The following PDE4A variants were observed in gnomAD, a reference collection of about 807,000 sequenced individuals.
PDE4A encodes the protein phosphodiesterase 4A.
PDE4A carries 21 observed loss-of-function variants against 73.9 expected under a neutral mutation model. The observed-to-expected ratio is 0.28, with a 90% CI of 0.20 to 0.41. The LOEUF (loss-of-function observed/expected upper bound fraction) is 0.41. Among genes scored for constraint, PDE4A ranks in the 10% least tolerant of loss-of-function variants. PDE4A has a pLI of 1.00. For synonymous variants in PDE4A, 463 were observed against 505.4 expected, an observed-to-expected ratio of 0.92 and a Z score of 1.13; for missense variants, 958 against 1,211.4, an observed-to-expected ratio of 0.79 and a Z score of 3.10.
intron 14 of PDE4A, among the ~76,000 whole-genome samples, chr19:10,465,286 T>G (rs1314690093): frequency 6.6e-6 from 1 of 151,424 alleles, no homozygotes; most frequent in Admixed American, 6.6e-5. Context: ...AGTGGTGCAG[T>G]CTCAGCTCAC....
chr19:10,451,657 G>A (rs1255069107), intron 6 of PDE4A, among the ~76,000 whole-genome samples: 5 of 152,208 alleles, frequency 3.3e-5, no homozygotes, highest in Admixed American at 6.5e-5. Flanking sequence ...GAAACTGAAT[G>A]TGTAGCTCTA....
At chr19:10,448,704 C>A in intron 2 of PDE4A, 1 of 456,168 alleles carries the variant, frequency 2.2e-6, no homozygotes, top group Non-Finnish European at 2.9e-6. Flanking sequence ...CTCTTCTCCC[C>A]GGACCTACCT....
Position 10,458,082 on chromosome 19 carries a change from C to G in PDE4A, c.1081C>G (p.Gln361Glu), listed in dbSNP as rs769628846. 2 of 1,613,750 alleles carry G rather than the reference C, an allele frequency of 1.2e-6. No homozygotes were observed. The highest frequency in any genetic ancestry group is 4.5e-5 in the East Asian group (2 of 44,882). ...NIPRFGVKTD[Q>E]EELLAQELEN... ...TCCCCGATTTGGGGTGAAGACCGAT[C>G]AAGAAGAGCTCCTGGCCCAAGTGGG... The change falls in exon 8 of 15, where the codon CAA becomes GAA. Residue 361 changes from glutamine to glutamate, a missense_variant. Gln to Glu is a conservative substitution (Grantham distance 29). Coordinates refer to ENST00000380702, the MANE Select transcript of PDE4A (RefSeq NM_001111307.2). The surrounding 1 kb of genome is among the most constrained non-coding windows in gnomAD (Gnocchi z 4.6).
rs1202650363 is a variant in PDE4A, at chr19:10,425,541, T to A, written c.320+4457T>A. On this transcript the variant is annotated intron_variant, in intron 1 of 14. Coordinates refer to ENST00000380702, the MANE Select transcript of PDE4A (RefSeq NM_001111307.2). ...CCGCAAACCCGGCTGGTGGGGAAGG[T>A]GCCCCATATTTCATTGGTAACAGAT... Among the ~76,000 whole-genome samples, 11 of 152,310 alleles carry A rather than the reference T, an allele frequency of 7.2e-5. No individual in the cohort carries two copies. In the East Asian group the frequency reaches 2.1e-3, roughly 29 times the overall value.
At position 10,467,052 on chromosome 19, in the gene PDE4A, C is replaced by A; in HGVS notation, c.2092C>A (p.Pro698Thr). 4 of 1,614,104 alleles carry A rather than the reference C, an allele frequency of 2.5e-6. No homozygotes were observed. The highest frequency in any genetic ancestry group is 3.4e-6 in the Non-Finnish European group (4 of 1,180,020). The change falls in exon 15 of 15, where the codon CCA becomes ACA. Residue 698 changes from proline to threonine, a missense_variant. By Grantham distance (38) the Pro-to-Thr change is conservative (BLOSUM62 -1). This residue lies in a region of PDE4A where 243 missense variants were observed against 245.9 expected (regional missense o/e 0.99). Transcript: ENST00000380702. The part of the protein sequence containing the change: ...SPPPEEESRG[P>T]GHPPLPDKFQ... ...GCCACCCGAGGAGGAGTCAAGGGGG[C>A]CAGGCCACCCACCCCTGCCTGACAA...
At position 10,450,857 on chromosome 19, in the gene PDE4A, G is replaced by A. The variant is rs745412248; in HGVS notation, c.699G>A (p.Glu233=). The part of the protein sequence containing the change: ...SEETCQQLAR[E]TLEELDWCLE... ...AAACGTGTCAGCAGTTGGCCCGGGA[G>A]ACTCTGGAGGAGCTGGACTGGTGTC... is the stretch of plus-strand genomic sequence containing the variant. Residue 233 remains glutamate (E), a synonymous_variant, in exon 6 of 15, where the codon GAG becomes GAA. Transcript: ENST00000380702. 20 of 1,611,810 alleles carry A rather than the reference G, an allele frequency of 1.2e-5. No individual in the cohort carries two copies. Among genetic ancestry groups the A allele is most frequent in the Non-Finnish European group, 1.5e-5 (18 of 1,179,062 alleles).
intron 6 of PDE4A, among the ~76,000 whole-genome samples, chr19:10,451,424 T>G (rs1049091852): frequency 1.3e-5 from 2 of 152,066 alleles, no homozygotes; most frequent in Non-Finnish European, 2.9e-5. Flanking sequence ...TATGCTTTTA[T>G]GGTCTGCGGG....
intron 1 of PDE4A, among the ~76,000 whole-genome samples, chr19:10,428,357 C>CGAGAGAGA (rs56177515): frequency 2.0e-3 from 268 of 137,376 alleles, no homozygotes; most frequent in Middle Eastern, 3.5e-3. Flanking sequence ...GATCCTGTCT[C>CGAGAGAGA]GAGAGAGAGA....
chr19:10,419,075 T>G, upstream of PDE4A: 1 of 973,044 alleles, frequency 1.0e-6, no homozygotes, highest in Non-Finnish European at 1.2e-6. Flanking sequence ...TTTTTTTTTT[T>G]TTTTTCAAAT....
chr19:10,446,445 G>A (rs754434659), intron 2 of PDE4A, 36 bp downstream of exon 2: 2 of 1,585,814 alleles, frequency 1.3e-6, no homozygotes, highest in African/African-American at 2.7e-5. Context: ...AGTTCCCCCA[G>A]GCCTGGTCCT....
intron 8 of PDE4A, chr19:10,459,004 C>G (rs1699397265): frequency 5.3e-6 from 1 of 187,980 alleles, no homozygotes; most frequent in Admixed American, 5.4e-5. Context: ...CTTCCTTTCT[C>G]CCCTGGGGCT....
At position 10,466,987 on chromosome 19, in the gene PDE4A, G is replaced by C; in HGVS notation, c.2027G>C (p.Arg676Pro). 6.2e-7 allele frequency: 1 copy of C among 1,614,152 alleles called. No homozygotes were observed. Among genetic ancestry groups the C allele is most frequent in the Non-Finnish European group, 8.5e-7 (1 of 1,180,034 alleles). Residue 676 changes from arginine (R) to proline (P), a missense_variant, in exon 15 of 15, where the codon CGG becomes CCG. By Grantham distance (103) the Arg-to-Pro change is moderately radical. Coordinates refer to ENST00000380702, the MANE Select transcript of PDE4A (RefSeq NM_001111307.2). ...QEILDTLEDN[R>P]DWYYSAIRQS... ...ATCTTGGACACTTTGGAGGACAACC[G>C]GGACTGGTACTACAGCGCCATCCGG...
In PDE4A at chr19:10,453,776, T is replaced by A. The variant is rs1029689624; in HGVS notation, c.784-1053T>A. Reference sequence around the variant, plus strand: ...TGCCCTTTGATCTGTGTGTCTGGGCTGTGTGACGCTGTGTAGGACTGAGAG... The same window carrying A: ...TGCCCTTTGATCTGTGTGTCTGGGCAGTGTGACGCTGTGTAGGACTGAGAG... On this transcript the variant is annotated intron_variant, in intron 6 of 14. Coordinates refer to ENST00000380702, the MANE Select transcript of PDE4A (RefSeq NM_001111307.2). This position sits in a 1 kb window ranked among gnomAD's most constrained non-coding sequence, Gnocchi z 4.6. Among the ~76,000 whole-genome samples, 4 of 152,132 alleles carry A rather than the reference T, an allele frequency of 2.6e-5. No homozygotes were observed. Among genetic ancestry groups the A allele is most frequent in the Non-Finnish European group, 5.9e-5 (4 of 68,002 alleles).
chr19:10,467,685 C>A lies in PDE4A; in HGVS notation c.*64C>A, dbSNP rs75124486. The A allele has an allele frequency of 5.6e-6, 7 of 1,252,492 alleles. No individual in the cohort carries two copies. The highest frequency in any genetic ancestry group is 7.8e-6 in the Non-Finnish European group (7 of 902,774). 77.6% of individuals were successfully genotyped at this position (1,252,492 alleles called of 1,614,324 possible). ...CTCACTCCCCTGCTCCCCCGACCAC[C>A]TCCTCCTCTGCCTCAAAGACTCTTG... On this transcript the variant is annotated 3_prime_UTR_variant, in exon 15 of 15. Coordinates refer to ENST00000380702, the MANE Select transcript of PDE4A (RefSeq NM_001111307.2).
intron 1 of PDE4A, chr19:10,431,150 C>A: frequency 1.7e-6 from 2 of 1,154,988 alleles, no homozygotes; most frequent in Non-Finnish European, 2.3e-6. Context: ...ACTCCAGGGT[C>A]TAGGGTTCGT....
At chr19:10,461,457 C>T (rs2144495847) in intron 11 of PDE4A, 69 bp from the exon 12 acceptor site, 4 of 1,580,036 alleles carry the variant, frequency 2.5e-6, no homozygotes, top group East Asian at 4.5e-5. Flanking sequence ...TAGTTGGGGG[C>T]GGAGCTGGCC....
chr19:10,433,734 C>T (rs764919844), intron 1 of PDE4A, among the ~76,000 whole-genome samples: 4 of 152,248 alleles, frequency 2.6e-5, no homozygotes, highest in Non-Finnish European at 4.4e-5. Flanking sequence ...GCCTGGGAGA[C>T]ACACACCAGC....
rs768192624 is a variant in PDE4A at position 10,461,120 on chromosome 19, A to G, written c.1465+17A>G. 1 of 1,601,396 alleles carries G rather than the reference A, an allele frequency of 6.2e-7. No individual in the cohort carries two copies. Among genetic ancestry groups the G allele is most frequent in the Non-Finnish European group, 8.5e-7 (1 of 1,170,574 alleles). ...TCAACACCAGTGAGTGGCCCTCGCC[A>G]GGGGCGGGGTTTGCTGAGTTGGAGG... On this transcript the variant is annotated intron_variant, in intron 11 of 14. Coordinates refer to ENST00000380702, the MANE Select transcript of PDE4A (RefSeq NM_001111307.2).
rs202019733 is a variant in PDE4A, at chr19:10,467,632, T to A, written c.*11T>A. 8 of 1,534,542 alleles carry A rather than the reference T, an allele frequency of 5.2e-6. No homozygotes were observed. The highest frequency in any genetic ancestry group is 7.0e-6 in the Non-Finnish European group (8 of 1,139,090). On this transcript the variant is annotated 3_prime_UTR_variant, in exon 15 of 15. Coordinates refer to ENST00000380702, the MANE Select transcript of PDE4A (RefSeq NM_001111307.2). ...GGAGACCCTACCTGATCCCCAGACCTCTGTCCCTGTTCCCCTCCACTCCTC... is the reference window on the plus strand; with the variant it reads ...GGAGACCCTACCTGATCCCCAGACCACTGTCCCTGTTCCCCTCCACTCCTC...
Sources: gnomAD v4.1 joint callset for allele counts (sites outside exome capture counted in the v4.1 genomes callset) on GRCh38, gnomAD v4.1.1 for gene constraint, gnomAD v4.1.1 regional missense constraint, Gnocchi (gnomAD v3.1) non-coding constraint, MANE v1.5 for transcripts, NCBI Gene and HGNC (gene_info 2026-07-23, HGNC 2026-07-21) for gene names.